MIPOL1: variants seen among roughly 807,000 people sequenced by gnomAD.
MIPOL1 encodes mirror-image polydactyly 1.
A neutral mutation model predicts 60.9 loss-of-function variants in MIPOL1; 57 were observed. That is an observed-to-expected ratio of 0.94 (90% CI 0.76 to 1.17). The LOEUF (loss-of-function observed/expected upper bound fraction) is 1.17, where lower values mean the gene tolerates loss of function less well. MIPOL1 is among the 50% of genes most tolerant of loss of function. The pLI is 0.00. For missense variants in MIPOL1, 551 were observed against 511.6 expected (o/e 1.08, Z -0.74); for synonymous variants, 179 against 168.8 (o/e 1.06, Z -0.47).
chr14:37,272,193 C>G (rs11624177), intron 6 of MIPOL1, among the ~76,000 whole-genome samples: 1 of 151,412 alleles, frequency 6.6e-6, no homozygotes, highest in African/African-American at 2.4e-5. Flanking sequence ...TTTAGTTTCT[C>G]TGGAACAAAA....
intron 1 of MIPOL1, among the ~76,000 whole-genome samples, chr14:37,224,796 C>T (rs780114058): frequency 1.1e-4 from 17 of 152,166 alleles, no homozygotes; most frequent in Non-Finnish European, 1.3e-4. Flanking sequence ...CTCATTTCAT[C>T]ATTAACTCAA....
chr14:37,418,568 TTATA>T (rs1177526193), intron 10 of MIPOL1, among the ~76,000 whole-genome samples: 1 of 152,136 alleles, frequency 6.6e-6, no homozygotes, highest in Non-Finnish European at 1.5e-5. Context: ...ATTATGTAAT[TTATA>T]TATAATGTAT....
intron 3 of MIPOL1, among the ~76,000 whole-genome samples, chr14:37,265,992 A>G (rs530567311): frequency 6.6e-6 from 1 of 152,224 alleles, no homozygotes; most frequent in Admixed American, 6.5e-5. Context: ...AAACATTTAT[A>G]ATTAAATTTT....
At chr14:37,208,242 T>C (rs1490978876) in intron 1 of MIPOL1, among the ~76,000 whole-genome samples, 1 of 152,174 alleles carries the variant, frequency 6.6e-6, no homozygotes, top group Non-Finnish European at 1.5e-5. Context: ...ATGTGTGGTT[T>C]TATAAGTTTC....
intron 10 of MIPOL1, among the ~76,000 whole-genome samples, chr14:37,388,937 G>A (rs547088457): frequency 6.6e-6 from 1 of 152,128 alleles, no homozygotes; most frequent in Admixed American, 6.6e-5. Flanking sequence ...AGAAGCTTCT[G>A]CCTTCTCAAC....
chr14:37,547,246 C>A lies in MIPOL1; in HGVS notation c.*275C>A. The A allele has an allele frequency of 2.9e-6, 1 of 343,968 alleles. No individual in the cohort carries two copies. The highest frequency in any genetic ancestry group is 5.0e-5 in the East Asian group (1 of 20,016). The allele number at this position is 343,968 out of a possible 1,614,324, so 21.3% of individuals were successfully genotyped here. On this transcript the variant is annotated 3_prime_UTR_variant, in exon 13 of 13. Transcript: ENST00000684589. ...TTGTAACTATTTTATATCTCAATAT[C>A]TTTAATATAAATCTTTTTACTGAGA...
intron 11 of MIPOL1, among the ~76,000 whole-genome samples, chr14:37,474,757 A>G (rs1240517520): frequency 1.3e-5 from 2 of 152,144 alleles, no homozygotes; most frequent in African/African-American, 4.8e-5. Flanking sequence ...ACCAGCAATG[A>G]ATGAGATGGA....
In MIPOL1 at chr14:37,267,083, A is replaced by G. The variant is rs190081682; in HGVS notation, c.165A>G (p.Glu55=). 57 of 1,614,006 alleles carry G rather than the reference A, an allele frequency of 3.5e-5. No homozygotes were observed. In the Admixed American group the frequency reaches 9.5e-4, roughly 27 times the overall value. ...ATGAAATAACATGTGAGAACACAGA[A>G]TGGCCAGGGCAGAGATCAACGAATT... ...LVNEITCENT[E]WPGQRSTNFQ... is the part of the protein sequence containing the mutation. The change falls in exon 4 of 13, where the codon GAA becomes GAG. Residue 55 remains glutamate, a synonymous_variant. Coordinates refer to ENST00000684589, the MANE Select transcript of MIPOL1 (RefSeq NM_001388067.1).
At chr14:37,370,105 C>T (rs1168284405) in intron 10 of MIPOL1, among the ~76,000 whole-genome samples, 3 of 151,758 alleles carry the variant, frequency 2.0e-5, no homozygotes, top group Non-Finnish European at 4.4e-5. Context: ...TAGAATGTTA[C>T]AATAAAAGAG....
At chr14:37,210,626 G>T (rs763224088) in intron 1 of MIPOL1, among the ~76,000 whole-genome samples, 5 of 152,054 alleles carry the variant, frequency 3.3e-5, no homozygotes, top group African/African-American at 7.2e-5. Context: ...TTGCTGACAC[G>T]TGATGAAATA....
intron 9 of MIPOL1, among the ~76,000 whole-genome samples, chr14:37,365,725 A>G (rs1442638465): frequency 2.0e-5 from 3 of 152,188 alleles, no homozygotes; most frequent in South Asian, 2.1e-4. Context: ...GCCTTGTAGA[A>G]TGTGTTTGGA....
At chr14:37,353,794 TC>T (rs1163283168) in intron 9 of MIPOL1, among the ~76,000 whole-genome samples, 2 of 152,220 alleles carry the variant, frequency 1.3e-5, no homozygotes, top group Non-Finnish European at 2.9e-5. Context: ...GATTCTTCTC[TC>T]TTTTTTTCTT....
intron 11 of MIPOL1, among the ~76,000 whole-genome samples, chr14:37,457,232 G>C (rs575527722): frequency 4.6e-5 from 7 of 152,266 alleles, no homozygotes; most frequent in Admixed American, 3.9e-4. Context: ...CTACAAGTGG[G>C]TGTTTCCTAA....
At chr14:37,474,447 G>A (rs2094737016) in intron 11 of MIPOL1, among the ~76,000 whole-genome samples, 1 of 152,124 alleles carries the variant, frequency 6.6e-6, no homozygotes, top group South Asian at 2.1e-4. Context: ...TCGTGATAGT[G>A]AATAAGTCTC....
At chr14:37,264,995 A>G (rs1764355959) in intron 3 of MIPOL1, among the ~76,000 whole-genome samples, 1 of 151,878 alleles carries the variant, frequency 6.6e-6, no homozygotes, top group Admixed American at 6.6e-5. Context: ...TATTTCATCA[A>G]CTCATTTCCA....
chr14:37,280,810 C>T (rs2084044304), intron 6 of MIPOL1, among the ~76,000 whole-genome samples: 1 of 152,140 alleles, frequency 6.6e-6, no homozygotes, highest in Non-Finnish European at 1.5e-5. Context: ...AGACGCATGC[C>T]ACCAGGACTG....
At chr14:37,239,332 A>G (rs537487979) in intron 1 of MIPOL1, among the ~76,000 whole-genome samples, 1 of 152,278 alleles carries the variant, frequency 6.6e-6, no homozygotes, top group South Asian at 2.1e-4. Context: ...GGCGTGAGCC[A>G]CCGCGCCTGG....
intron 11 of MIPOL1, among the ~76,000 whole-genome samples, chr14:37,484,876 G>C (rs2094924258): frequency 6.6e-6 from 1 of 151,808 alleles, no homozygotes; most frequent in Admixed American, 6.6e-5. Context: ...TTAAGTTCTG[G>C]GGTACATGTG....
chr14:37,323,033 G>A (rs1416080004), intron 9 of MIPOL1, among the ~76,000 whole-genome samples: 2 of 152,052 alleles, frequency 1.3e-5, no homozygotes, highest in Non-Finnish European at 2.9e-5. Flanking sequence ...TGGTGTTTTA[G>A]TCATGAAGTC....
Sources: gnomAD v4.1 joint callset for allele counts (sites outside exome capture counted in the v4.1 genomes callset) on GRCh38, gnomAD v4.1.1 for gene constraint, MANE v1.5 for transcripts, NCBI Gene and HGNC (gene_info 2026-07-23, HGNC 2026-07-21) for gene names.